Variants in DACH1 observed in about 807,000 individuals in gnomAD.
DACH1 encodes the protein dachshund family transcription factor 1.
A neutral mutation model predicts 54.2 loss-of-function variants in DACH1; 12 were observed. The observed-to-expected ratio is 0.22, with a 90% confidence interval of 0.14 to 0.36. The LOEUF (loss-of-function observed/expected upper bound fraction) is 0.36. DACH1 is among the 10% of genes least tolerant of loss of function. The pLI is 1.00. For synonymous variants in DACH1, 386 were observed against 366.2 expected (o/e 1.05, Z -0.62); for missense variants, 805 against 929.8 (o/e 0.87, Z 1.75).
chr13:71,564,173 T>C (rs1884763469), intron 4 of DACH1, among the ~76,000 whole-genome samples: 1 of 152,026 alleles, frequency 6.6e-6, no homozygotes, highest in Non-Finnish European at 1.5e-5. Context: ...CTCATAATTA[T>C]TACTGAAACA....
chr13:71,716,145 T>G (rs1237084009), intron 1 of DACH1, among the ~76,000 whole-genome samples: 2 of 152,008 alleles, frequency 1.3e-5, no homozygotes, highest in African/African-American at 4.8e-5. Flanking sequence ...TCTTTTTCAA[T>G]GTACTTTCTA....
At chr13:71,787,034 C>T (rs1190664402) in intron 1 of DACH1, among the ~76,000 whole-genome samples, 2 of 152,140 alleles carry the variant, frequency 1.3e-5, no homozygotes, top group East Asian at 1.9e-4. Flanking sequence ...GGAGAGAGAA[C>T]TAAACAAAAC....
chr13:71,507,534 G>A (rs1038154482), intron 6 of DACH1, among the ~76,000 whole-genome samples: 1 of 152,044 alleles, frequency 6.6e-6, no homozygotes, highest in African/African-American at 2.4e-5. Context: ...TAGTTCAGCT[G>A]GAAAATTAGA....
At chr13:71,450,714 T>C (rs1874961281) in intron 10 of DACH1, among the ~76,000 whole-genome samples, 1 of 152,066 alleles carries the variant, frequency 6.6e-6, no homozygotes, top group South Asian at 2.1e-4. Context: ...TTGAAGGAAA[T>C]TAAAAGCTAC....
At chr13:71,496,540 A>T (rs2138221470) in intron 6 of DACH1, among the ~76,000 whole-genome samples, 1 of 151,828 alleles carries the variant, frequency 6.6e-6, no homozygotes, top group African/African-American at 2.4e-5. Flanking sequence ...GTGTAGACTG[A>T]TAGACAATTG....
intron 1 of DACH1, among the ~76,000 whole-genome samples, chr13:71,837,453 C>G (rs559267049): frequency 6.6e-6 from 1 of 151,900 alleles, no homozygotes. Flanking sequence ...TAACAGACAC[C>G]TGAGCTGGAA....
intron 2 of DACH1, among the ~76,000 whole-genome samples, chr13:71,671,599 AT>A (rs1299439707): frequency 6.6e-6 from 1 of 152,102 alleles, no homozygotes; most frequent in African/African-American, 2.4e-5. Flanking sequence ...TCAATGTAAA[AT>A]TGCCTTCAAA....
chr13:71,559,436 A>G (rs1205491657), intron 5 of DACH1, among the ~76,000 whole-genome samples: 2 of 152,178 alleles, frequency 1.3e-5, no homozygotes, highest in Non-Finnish European at 2.9e-5. Context: ...TTTAAAAGTC[A>G]GTGAATTACA....
At chr13:71,495,896 A>G (rs1281803524) in intron 6 of DACH1, among the ~76,000 whole-genome samples, 1 of 152,136 alleles carries the variant, frequency 6.6e-6, no homozygotes, top group Non-Finnish European at 1.5e-5. Flanking sequence ...TGGCAAAAAT[A>G]TAAAATCAAC....
chr13:71,493,709 C>T (rs1021705039), intron 6 of DACH1, among the ~76,000 whole-genome samples: 6 of 152,016 alleles, frequency 3.9e-5, no homozygotes, highest in Non-Finnish European at 7.4e-5. Flanking sequence ...TAGGACCACA[C>T]AAATGTAAAA....
At chr13:71,707,246 A>C (rs909590010) in intron 1 of DACH1, among the ~76,000 whole-genome samples, 1 of 152,254 alleles carries the variant, frequency 6.6e-6, no homozygotes, top group African/African-American at 2.4e-5. Flanking sequence ...GCATTTCTTG[A>C]GGAAGTCTCA....
chr13:71,530,067 G>C (rs1312810178), intron 6 of DACH1, among the ~76,000 whole-genome samples: 2 of 152,070 alleles, frequency 1.3e-5, no homozygotes, highest in African/African-American at 4.8e-5. Flanking sequence ...CATGCCATAT[G>C]AAATAAACAC....
chr13:71,532,399 A>G (rs1481827771), intron 6 of DACH1, among the ~76,000 whole-genome samples: 1 of 151,966 alleles, frequency 6.6e-6, no homozygotes, highest in East Asian at 1.9e-4. Flanking sequence ...TCAGATATTC[A>G]TTTGACACTT....
intron 1 of DACH1, among the ~76,000 whole-genome samples, chr13:71,762,584 T>C (rs1707391829): frequency 6.6e-6 from 1 of 151,858 alleles, no homozygotes; most frequent in African/African-American, 2.4e-5. Flanking sequence ...CTGACCAACA[T>C]GGAGAAACCC....
At chr13:71,676,076 A>C (rs75817805) in intron 2 of DACH1, among the ~76,000 whole-genome samples, 13,677 of 152,200 alleles carry the variant, frequency 0.09, 1,846 homozygotes, top group African/African-American at 0.29. Flanking sequence ...CATACAGTAG[A>C]TTGTTATGTT....
At chr13:71,651,015 C>G (rs927156026) in intron 2 of DACH1, among the ~76,000 whole-genome samples, 21 of 152,008 alleles carry the variant, frequency 1.4e-4, no homozygotes, top group African/African-American at 4.8e-4. Flanking sequence ...TAAAAATTTG[C>G]AAAGGTCATT....
At position 71,681,850 on chromosome 13, in the gene DACH1, G is replaced by A. The variant is rs1880918179; in HGVS notation, c.909C>T (p.His303=). 1.2e-6 allele frequency: 2 copies of A among 1,614,046 alleles called. No homozygotes were observed. The highest frequency in any genetic ancestry group is 1.3e-5 in the African/African-American group (1 of 75,070). ...TQSVTSPENS[H]IMPHSVPGLM... The stretch of plus-strand genomic sequence containing the variant: ...GACCAGGGACAGAATGCGGCATGAT[G>A]TGAGAGTTCTCTGGGGAGGTGACAC... The change falls in exon 2 of 11, where the codon CAC becomes CAT. Residue 303 remains histidine, a synonymous_variant. Transcript: ENST00000613252.
At chr13:71,766,403 A>C (rs1422453500) in intron 1 of DACH1, among the ~76,000 whole-genome samples, 1 of 152,104 alleles carries the variant, frequency 6.6e-6, no homozygotes. Flanking sequence ...TTTTAAAGCA[A>C]CCCAGTTTTT....
In DACH1 at chr13:71,652,059, C is replaced by T. The variant is rs182311316; in HGVS notation, c.965-21342G>A. ...TTAATTGGCATTTGTCATGCTAGAT[C>T]GTATTCCTATTTGTTTCATATGACA... is the stretch of plus-strand genomic sequence containing the variant. On this transcript the variant is annotated intron_variant, in intron 2 of 10. Coordinates refer to ENST00000613252, the MANE Select transcript of DACH1 (RefSeq NM_080759.6). Among the ~76,000 whole-genome samples the T allele has an allele frequency of 5.9e-5, 9 of 152,142 alleles. No individual in the cohort carries two copies. In the East Asian group the frequency reaches 1.4e-3, roughly 23 times the overall value.
Sources: allele counts gnomAD v4.1 joint callset (sites outside exome capture counted in the v4.1 genomes callset), GRCh38; gene constraint gnomAD v4.1.1; transcripts MANE v1.5; gene names NCBI Gene and HGNC (gene_info 2026-07-23, HGNC 2026-07-21).